The following RNF182 variants were observed in gnomAD, a reference collection of about 807,000 sequenced individuals.
RNF182 encodes E3 ubiquitin-protein ligase RNF182.
In RNF182, 15 loss-of-function variants were observed where a neutral mutation model predicts 14.4. The observed-to-expected ratio is 1.04, with a 90% confidence interval of 0.70 to 1.60. The LOEUF is 1.60. Ranked by LOEUF, RNF182 falls within the 40% of genes most tolerant of loss-of-function variation. The pLI, the probability that RNF182 is intolerant of heterozygous loss-of-function variation, is 0.00. For missense variants in RNF182, 268 were observed against 294.8 expected (o/e 0.91, Z 0.67); for synonymous variants, 128 against 122.9 (o/e 1.04, Z -0.27).
At chr6:13,948,043 TAA>T (rs895459253) in intron 1 of RNF182, among the ~76,000 whole-genome samples, 25 of 152,274 alleles carry the variant, frequency 1.6e-4, no homozygotes, top group Middle Eastern at 6.8e-3. Flanking sequence ...TAGCTCAAAA[TAA>T]AAGTTTTCTT....
Position 13,976,191 on chromosome 6 carries a change from C to T in RNF182, c.-211-718C>T, listed in dbSNP as rs530964434. ...GCATGTTTTATCTGTGTTTACTTCT[C>T]TTTCTTGGGACTTAGACTTGACTTG... is the stretch of plus-strand genomic sequence containing the variant. On this transcript the variant is annotated intron_variant, in intron 2 of 2. Transcript: ENST00000488300. 1.6e-4 allele frequency among the ~76,000 whole-genome samples: 25 copies of T among 152,288 alleles called. No individual in the cohort carries two copies. The South Asian group carries it at 3.7e-3, about 23-fold the overall frequency.
intron 1 of RNF182, among the ~76,000 whole-genome samples, chr6:13,958,684 A>G (rs1178528463): frequency 6.6e-6 from 1 of 152,198 alleles, no homozygotes; most frequent in African/African-American, 2.4e-5. Flanking sequence ...AGAAATTTAG[A>G]ACAAACAAAT....
chr6:13,945,882 G>A (rs1287887429), intron 1 of RNF182, among the ~76,000 whole-genome samples: 4 of 152,042 alleles, frequency 2.6e-5, no homozygotes, highest in East Asian at 1.9e-4. Flanking sequence ...TAAAGAATTT[G>A]AGGTGAGTCC....
intron 1 of RNF182, among the ~76,000 whole-genome samples, chr6:13,951,703 T>G (rs993520997): frequency 4.6e-5 from 7 of 152,204 alleles, no homozygotes; most frequent in African/African-American, 1.7e-4. Flanking sequence ...TGGGTTACCT[T>G]TCTCTGAGTG....
chr6:13,977,149 G>T lies in RNF182; in HGVS notation c.30G>T (p.Ala10=). 6.2e-7 allele frequency: 1 copy of T among 1,613,996 alleles called. No individual in the cohort carries two copies. Among genetic ancestry groups the T allele is most frequent in the Non-Finnish European group, 8.5e-7 (1 of 1,179,938 alleles). The stretch of plus-strand genomic sequence containing the variant: ...CCAGTCAACCTCCTGAAGACACTGC[G>T]GAGTCTCAGGCCTCTGATGAGCTGG... MASQPPEDT[A]ESQASDELEC... Residue 10 remains alanine, a synonymous_variant, in exon 3 of 3, where the codon GCG becomes GCT. Coordinates refer to ENST00000488300, the MANE Select transcript of RNF182 (RefSeq NM_152737.4).
At chr6:13,953,545 A>G (rs367925176) in intron 1 of RNF182, among the ~76,000 whole-genome samples, 316 of 152,258 alleles carry the variant, frequency 2.1e-3, no homozygotes, top group Non-Finnish European at 3.1e-3. Flanking sequence ...AGTGTTTTAT[A>G]TTCACGAGTC....
intron 1 of RNF182, among the ~76,000 whole-genome samples, chr6:13,939,750 A>T (rs1759240792): frequency 6.6e-6 from 1 of 151,952 alleles, no homozygotes; most frequent in South Asian, 2.1e-4. Flanking sequence ...TCACCTTGTT[A>T]GCCAGGATGA....
chr6:13,969,105 TTTG>T (rs57502789), intron 1 of RNF182, among the ~76,000 whole-genome samples: 290 of 151,162 alleles, frequency 1.9e-3, no homozygotes, highest in African/African-American at 5.3e-3. Flanking sequence ...GTCTCTGTTT[TTTG>T]TTGTTGTTGT....
chr6:13,976,795 T>C, intron 2 of RNF182, 114 bp from the exon 3 acceptor site: 1 of 289,466 alleles, frequency 3.5e-6, no homozygotes, highest in Non-Finnish European at 6.4e-6. Context: ...GGATTTAACC[T>C]TTTAAGTTTA....
chr6:13,942,456 C>T (rs866684809), intron 1 of RNF182, among the ~76,000 whole-genome samples: 5 of 152,330 alleles, frequency 3.3e-5, no homozygotes, highest in Middle Eastern at 3.4e-3. Context: ...ATCCTCCTGC[C>T]TCAGCCTTCT....
intron 1 of RNF182, among the ~76,000 whole-genome samples, chr6:13,936,517 T>C (rs1759114493): frequency 6.6e-6 from 1 of 152,224 alleles, no homozygotes; most frequent in Non-Finnish European, 1.5e-5. Context: ...AAGGGGAACA[T>C]TTAGACAGCT....
chr6:13,927,069 T>A (rs1758848781), intron 1 of RNF182, among the ~76,000 whole-genome samples: 1 of 152,192 alleles, frequency 6.6e-6, no homozygotes, highest in South Asian at 2.1e-4. Context: ...CAGAGCTGCA[T>A]CATTTTCTGC....
chr6:13,950,279 A>T (rs1759554144), intron 1 of RNF182, among the ~76,000 whole-genome samples: 1 of 152,168 alleles, frequency 6.6e-6, no homozygotes, highest in South Asian at 2.1e-4. Context: ...TTCCCAGCCT[A>T]GTCAGGGGAC....
chr6:13,929,897 A>G (rs1019152627), intron 1 of RNF182, among the ~76,000 whole-genome samples: 2 of 152,252 alleles, frequency 1.3e-5, no homozygotes, highest in South Asian at 2.1e-4. Flanking sequence ...ACCTAAAGTC[A>G]TAAAACAAGA....
intron 1 of RNF182, among the ~76,000 whole-genome samples, chr6:13,946,715 T>A (rs185238578): frequency 2.5e-4 from 38 of 152,304 alleles, no homozygotes. Flanking sequence ...TTTGAATGCC[T>A]CTGACACATT....
At chr6:13,960,074 C>A (rs758120632) in intron 1 of RNF182, among the ~76,000 whole-genome samples, 18 of 152,090 alleles carry the variant, frequency 1.2e-4, no homozygotes, top group Non-Finnish European at 1.8e-4. Flanking sequence ...ACTGTGATGT[C>A]ATGGAACCTG....
intron 1 of RNF182, among the ~76,000 whole-genome samples, chr6:13,942,362 G>A (rs1486437991): frequency 1.3e-5 from 2 of 151,970 alleles, no homozygotes; most frequent in African/African-American, 4.8e-5. Context: ...TTTTTTTTGA[G>A]ACAAAATCTT....
intron 1 of RNF182, among the ~76,000 whole-genome samples, chr6:13,954,828 G>C (rs937160879): frequency 4.6e-5 from 7 of 152,086 alleles, no homozygotes; most frequent in African/African-American, 1.7e-4. Flanking sequence ...TATTTCCTGT[G>C]AACAGGTAAT....
intron 1 of RNF182, among the ~76,000 whole-genome samples, chr6:13,951,861 T>G (rs1759601114): frequency 6.6e-6 from 1 of 152,168 alleles, no homozygotes; most frequent in African/African-American, 2.4e-5. Flanking sequence ...GGGAAACAAA[T>G]GAACATTTTC....
Sources: gnomAD v4.1 joint callset for allele counts (sites outside exome capture counted in the v4.1 genomes callset) on GRCh38, gnomAD v4.1.1 for gene constraint, MANE v1.5 for transcripts, NCBI Gene and HGNC (gene_info 2026-07-23, HGNC 2026-07-21) for gene names.